BAZ2B: variants seen among roughly 807,000 people sequenced by gnomAD.
BAZ2B encodes bromodomain adjacent to zinc finger domain protein 2B.
BAZ2B carries 91 observed loss-of-function variants against 246.0 expected under a neutral mutation model. The observed-to-expected ratio is 0.37, with a 90% CI of 0.31 to 0.44. The LOEUF (loss-of-function observed/expected upper bound fraction) is 0.44, where lower values mean the gene tolerates loss of function less well. Ranked by LOEUF, BAZ2B falls within the 20% of genes least tolerant of loss-of-function variation. BAZ2B has a pLI of 1.00. For missense variants in BAZ2B, 2,332 were observed against 2,533.7 expected, an observed-to-expected ratio of 0.92 and a Z score of 1.71; for synonymous variants, 855 against 860.0, an observed-to-expected ratio of 0.99 and a Z score of 0.10.
At chr2:159,607,107 G>A (rs1442378323) in intron 1 of BAZ2B, among the ~76,000 whole-genome samples, 2 of 151,938 alleles carry the variant, frequency 1.3e-5, no homozygotes, top group African/African-American at 2.4e-5. Context: ...TGCCTGTCTC[G>A]GCCTCCCAAA....
intron 1 of BAZ2B, among the ~76,000 whole-genome samples, chr2:159,585,754 A>T (rs900221565): frequency 6.6e-6 from 1 of 152,236 alleles, no homozygotes; most frequent in Non-Finnish European, 1.5e-5. Flanking sequence ...TAACTGTAAT[A>T]TAGTGATGCC....
rs2058403008 is a variant in BAZ2B, at chr2:159,350,160, T to G, written c.4411A>C (p.Lys1471Gln). The G allele has an allele frequency of 1.2e-6, 2 of 1,614,074 alleles. No homozygotes were observed. Among genetic ancestry groups the G allele is most frequent in the East Asian group, 4.5e-5 (2 of 44,876 alleles). ...QKPGSFSKLSKLLEVAKMPPE... is the reference protein window; with the variant it reads ...QKPGSFSKLSQLLEVAKMPPE... ...GGCATCTTAGCTACTTCCAAAAGCT[T>G]GCTTAATTTGGAAAAAGAGCCAGGT... Residue 1471 changes from lysine to glutamine, a missense_variant, in exon 28 of 37, where the codon AAG (lysine) becomes CAG (glutamine). Lys to Gln is a moderately conservative substitution (Grantham distance 53, BLOSUM62 1). Transcript: ENST00000392783.
intron 2 of BAZ2B, among the ~76,000 whole-genome samples, chr2:159,521,146 C>T (rs1487181271): frequency 6.6e-6 from 1 of 151,986 alleles, no homozygotes; most frequent in African/African-American, 2.4e-5. Context: ...AAAACATACA[C>T]TGAAGTATCT....
the BAZ2B span, among the ~76,000 whole-genome samples, chr2:159,658,440 C>T: frequency 6.6e-6 from 1 of 152,030 alleles, no homozygotes; most frequent in Non-Finnish European, 1.5e-5. Context: ...TTCAAGAGAT[C>T]CTCTCACCTA....
chr2:159,512,753 C>A (rs2083061233), intron 2 of BAZ2B, among the ~76,000 whole-genome samples: 1 of 152,080 alleles, frequency 6.6e-6, no homozygotes, highest in Non-Finnish European at 1.5e-5. Flanking sequence ...GGGATGGGAA[C>A]CAGGAGTAGA....
intron 25 of BAZ2B, among the ~76,000 whole-genome samples, chr2:159,374,982 G>A (rs2061268370): frequency 6.6e-6 from 1 of 152,138 alleles, no homozygotes; most frequent in African/African-American, 2.4e-5. Flanking sequence ...TTAGGATGCT[G>A]AGGTGGCAGG....
chr2:159,468,244 G>A (rs182382287), intron 3 of BAZ2B, among the ~76,000 whole-genome samples: 12 of 152,216 alleles, frequency 7.9e-5, no homozygotes, highest in African/African-American at 2.2e-4. Context: ...CAGGAAGTAC[G>A]AAGTGTCACA....
At chr2:159,372,646 A>T (rs1416749715) in intron 27 of BAZ2B, among the ~76,000 whole-genome samples, 3 of 152,252 alleles carry the variant, frequency 2.0e-5, no homozygotes, top group Non-Finnish European at 4.4e-5. Flanking sequence ...TATGATGAAG[A>T]TCTTAGATTT....
At chr2:159,484,247 G>C (rs2079569070) in intron 2 of BAZ2B, among the ~76,000 whole-genome samples, 1 of 152,176 alleles carries the variant, frequency 6.6e-6, no homozygotes, top group African/African-American at 2.4e-5. Flanking sequence ...AATTCAACTA[G>C]CTAAAACTTT....
At chr2:159,458,162 T>C (rs2076003810) in intron 3 of BAZ2B, among the ~76,000 whole-genome samples, 3 of 150,078 alleles carry the variant, frequency 2.0e-5, no homozygotes, top group Admixed American at 1.3e-4. Context: ...TGTGTGCCAC[T>C]ACGTCCAGCT....
chr2:159,347,708 C>T (rs1490269873), intron 30 of BAZ2B, 62 bp from the exon 31 acceptor site: 10 of 1,373,576 alleles, frequency 7.3e-6, no homozygotes, highest in Non-Finnish European at 9.9e-6. Context: ...ACAGAGACCT[C>T]TTCCAGAAAG....
At chr2:159,672,710 T>C in the BAZ2B span, among the ~76,000 whole-genome samples, 3 of 152,164 alleles carry the variant, frequency 2.0e-5, no homozygotes, top group South Asian at 2.1e-4. Flanking sequence ...CTGACAAGTA[T>C]AGATTTAGAA....
intron 3 of BAZ2B, among the ~76,000 whole-genome samples, chr2:159,473,817 T>C (rs2078146300): frequency 6.6e-6 from 1 of 152,244 alleles, no homozygotes; most frequent in South Asian, 2.1e-4. Context: ...TTTCATTATT[T>C]ACCTGGTAGT....
chr2:159,471,327 C>T (rs1461536329), intron 3 of BAZ2B, among the ~76,000 whole-genome samples: 1 of 152,100 alleles, frequency 6.6e-6, no homozygotes, highest in Non-Finnish European at 1.5e-5. Flanking sequence ...GGGGGCCAGG[C>T]GCAGTGGCTC....
chr2:159,383,189 G>A (rs1359172215), intron 24 of BAZ2B, among the ~76,000 whole-genome samples: 1 of 152,014 alleles, frequency 6.6e-6, no homozygotes, highest in East Asian at 1.9e-4. Flanking sequence ...ATATTTTCTG[G>A]CAGGAAGATA....
chr2:159,364,419 G>T (rs2060013366), intron 27 of BAZ2B, among the ~76,000 whole-genome samples: 1 of 152,106 alleles, frequency 6.6e-6, no homozygotes. Context: ...TCGAGACAGG[G>T]TCTTGCTCTG....
intron 1 of BAZ2B, among the ~76,000 whole-genome samples, chr2:159,588,711 T>C (rs953051864): frequency 1.3e-5 from 2 of 152,180 alleles, no homozygotes; most frequent in Non-Finnish European, 2.9e-5. Context: ...GCTCCCTAGG[T>C]GAATAAGCAG....
In BAZ2B at chr2:159,325,044, TATATATATATATATA is replaced by T. The variant is rs1558941048; in HGVS notation, c.6210-105_6210-91del. ...AAGCTTTCAGTTATTATATATATATTATATATATATATATATTATATATATATATATATTATATAT... is the reference window on the plus strand; with the variant it reads ...AAGCTTTCAGTTATTATATATATATTTTATATATATATATATATTATATAT... On this transcript the variant is annotated intron_variant, in intron 35 of 36. Coordinates refer to ENST00000392783, the MANE Select transcript of BAZ2B (RefSeq NM_013450.4). 32 of 5,358 alleles carry T rather than the reference TATATATATATATATA, an allele frequency of 6.0e-3. 1 individual carries two copies. The highest frequency in any genetic ancestry group is 0.012 in the Non-Finnish European group (20 of 1,732). The allele number at this position is 5,358 out of a possible 1,614,324, so 0.3% of individuals were successfully genotyped here.
chr2:159,344,047 A>G (rs1431635459), intron 31 of BAZ2B, among the ~76,000 whole-genome samples: 1 of 145,642 alleles, frequency 6.9e-6, no homozygotes, highest in African/African-American at 2.7e-5. Context: ...AAAAAAAAAG[A>G]AAAAAAAAAA....
Sources: gnomAD v4.1 joint callset for allele counts (sites outside exome capture counted in the v4.1 genomes callset) on GRCh38, gnomAD v4.1.1 for gene constraint, MANE v1.5 for transcripts, NCBI Gene and HGNC (gene_info 2026-07-23, HGNC 2026-07-21) for gene names.